Variants in GGTA1 observed in about 807,000 individuals in gnomAD.
GGTA1 encodes the protein inactive N-acetyllactosaminide alpha-1,3-galactosyltransferase.
GGTA1 carries 5 observed loss-of-function variants against 2.6 expected under a neutral mutation model. The ratio of observed to expected loss-of-function variants is 1.92; its 90% CI spans 1.00 to 4.04. The LOEUF is 4.04. Among genes scored for constraint, GGTA1 ranks in the 30% most tolerant of loss-of-function variants. GGTA1 has a pLI of 0.00. For synonymous variants in GGTA1, 17 were observed against 5.0 expected (o/e 3.38, Z -3.19); for missense variants, 50 against 16.7 (o/e 2.99, Z -3.47).
chr9:121,486,258 C>T (rs1343677579), intron 1 of GGTA1, among the ~76,000 whole-genome samples: 1 of 152,238 alleles, frequency 6.6e-6, no homozygotes, highest in Non-Finnish European at 1.5e-5. Flanking sequence ...AGCCAGAACT[C>T]CATGCCCCAA....
chr9:121,498,989 G>GT (rs1238300426), intron 1 of GGTA1, among the ~76,000 whole-genome samples: 1 of 151,508 alleles, frequency 6.6e-6, no homozygotes, highest in Non-Finnish European at 1.5e-5. Flanking sequence ...TCCTTTTCGA[G>GT]TAGGAGCAAG....
At chr9:121,453,749 C>T (rs10818536), downstream of GGTA1, among the ~76,000 whole-genome samples, 79,542 of 152,058 alleles carry the variant, frequency 0.52, 21,327 homozygotes, top group South Asian at 0.66. Flanking sequence ...CGGGCCAGCA[C>T]GGCCAGTGGA....
chr9:121,489,946 C>T (rs1451517490), intron 1 of GGTA1, among the ~76,000 whole-genome samples: 2 of 152,168 alleles, frequency 1.3e-5, no homozygotes, highest in Non-Finnish European at 2.9e-5. Context: ...CTTTCTTTAA[C>T]AGTAGGTATC....
At chr9:121,456,963 C>T (rs753954192) in intron 5 of GGTA1, among the ~76,000 whole-genome samples, 6 of 152,180 alleles carry the variant, frequency 3.9e-5, no homozygotes, top group African/African-American at 1.4e-4. Flanking sequence ...TGAGCCACTG[C>T]GTCCAACACA....
intron 3 of GGTA1, chr9:121,462,977 T>C (rs2064972862): frequency 5.8e-6 from 1 of 172,830 alleles, no homozygotes; most frequent in African/African-American, 2.4e-5. Flanking sequence ...TGGGTCTTTA[T>C]ATAACATTTA....
chr9:121,470,575 G>T (rs1191716955), intron 1 of GGTA1, among the ~76,000 whole-genome samples: 3 of 152,200 alleles, frequency 2.0e-5, no homozygotes, highest in African/African-American at 7.2e-5. Flanking sequence ...AATGAATGAG[G>T]CTGTAACTGT....
At chr9:121,481,500 T>C (rs985357916) in intron 1 of GGTA1, among the ~76,000 whole-genome samples, 18 of 148,176 alleles carry the variant, frequency 1.2e-4, no homozygotes, top group African/African-American at 3.3e-4. Context: ...CAGCCTAACA[T>C]GGTGAAACGC....
intron 1 of GGTA1, among the ~76,000 whole-genome samples, chr9:121,471,486 C>A (rs563170381): frequency 6.6e-6 from 1 of 152,312 alleles, no homozygotes; most frequent in East Asian, 1.9e-4. Flanking sequence ...TTTTCCAATT[C>A]TTTTCAAAGA....
downstream of GGTA1, among the ~76,000 whole-genome samples, chr9:121,450,854 T>G (rs1317319989): frequency 6.6e-6 from 1 of 152,172 alleles, no homozygotes; most frequent in Non-Finnish European, 1.5e-5. Flanking sequence ...CATTAGAACT[T>G]GATTGGTATT....
chr9:121,480,943 G>A (rs1397258758), intron 1 of GGTA1, among the ~76,000 whole-genome samples: 1 of 151,462 alleles, frequency 6.6e-6, no homozygotes, highest in Non-Finnish European at 1.5e-5. Flanking sequence ...CATGAGGTCA[G>A]GAGATCGAGA....
intron 2 of GGTA1, among the ~76,000 whole-genome samples, chr9:121,466,538 C>T (rs2065006212): frequency 6.6e-6 from 1 of 152,152 alleles, no homozygotes; most frequent in African/African-American, 2.4e-5. Context: ...ATCTGTGCAG[C>T]ACCACAGGGA....
downstream of GGTA1, among the ~76,000 whole-genome samples, chr9:121,453,101 C>T (rs1490651307): frequency 6.6e-6 from 1 of 152,304 alleles, no homozygotes; most frequent in African/African-American, 2.4e-5. Flanking sequence ...GAAGAGATAT[C>T]TGGGTGGGAA....
rs2064958705 is a variant in GGTA1 at position 121,461,267 on chromosome 9, C to A, written c.167G>T (p.Ser56Ile). Residue 56 changes from serine (S) to isoleucine (I), a missense_variant, in exon 4 of 6, where the codon AGC becomes ATC. Coordinates refer to ENST00000481799, the MANE Select transcript of GGTA1 (RefSeq NM_001382585.1). ...ATCGCCTTACCCATTGTTAAACCAG[C>A]TCAGAAACCACCAGCCCTTCTGAGC... is the stretch of plus-strand genomic sequence containing the variant. The part of the protein sequence containing the change: ...SSAQKGWWFL[S>I]WFNNGIHNYQ... 2 of 456,494 alleles carry A rather than the reference C, an allele frequency of 4.4e-6. No individual in the cohort carries two copies. The highest frequency in any genetic ancestry group is 8.8e-6 in the Non-Finnish European group (2 of 226,936). 28.3% of individuals were successfully genotyped at this position (456,494 alleles called of 1,614,324 possible). A position where few individuals can be genotyped will look rare whatever the true frequency, so the allele number is the denominator to read the frequency against.
At chr9:121,494,305 C>G (rs13290226) in intron 1 of GGTA1, among the ~76,000 whole-genome samples, 1 of 152,162 alleles carries the variant, frequency 6.6e-6, no homozygotes, top group African/African-American at 2.4e-5. Flanking sequence ...CCTCCTGAGA[C>G]TCTGTTTGGC....
chr9:121,499,394 T>A (rs766944268), intron 1 of GGTA1, among the ~76,000 whole-genome samples: 23 of 152,186 alleles, frequency 1.5e-4, no homozygotes, highest in Admixed American at 1.2e-3. Flanking sequence ...TTGCAGCTCT[T>A]CAGGCTCCAG....
chr9:121,483,135 C>G (rs1828688735), intron 1 of GGTA1, among the ~76,000 whole-genome samples: 1 of 152,138 alleles, frequency 6.6e-6, no homozygotes, highest in Non-Finnish European at 1.5e-5. Context: ...AGAGCAGCCT[C>G]TCTCTTTTAT....
chr9:121,456,381 A>T (rs1276580805), intron 5 of GGTA1, among the ~76,000 whole-genome samples: 2 of 152,060 alleles, frequency 1.3e-5, no homozygotes, highest in Non-Finnish European at 2.9e-5. Flanking sequence ...TATTTATGGC[A>T]CATTTTGGTA....
In GGTA1 at chr9:121,496,757, A is replaced by AAAAAAAAAAAAAAAAAAAGAG. The variant is rs1554838784; in HGVS notation, c.-10+2892_-10+2893insCTCTTTTTTTTTTTTTTTTTT. Among the ~76,000 whole-genome samples, 230 of 111,796 alleles carry AAAAAAAAAAAAAAAAAAAGAG rather than the reference A, an allele frequency of 2.1e-3. 15 individuals carry two copies. The highest frequency in any genetic ancestry group is 6.0e-3 in the Middle Eastern group (1 of 168). The allele number at this position is 111,796 out of a possible 152,430, so 73.3% of individuals were successfully genotyped here. A position where few individuals can be genotyped will look rare whatever the true frequency, so the allele number is the denominator to read the frequency against. ...AAAAAAAAAAAAAAAAAAAAAAAAA[A>AAAAAAAAAAAAAAAAAAAGAG]AGAGAGAGAGAATCGCTTGAATGAA... On this transcript the variant is annotated intron_variant, in intron 1 of 5. Coordinates refer to ENST00000481799, the MANE Select transcript of GGTA1 (RefSeq NM_001382585.1).
intron 1 of GGTA1, among the ~76,000 whole-genome samples, chr9:121,471,052 C>T (rs1177419837): frequency 2.0e-5 from 3 of 152,188 alleles, no homozygotes; most frequent in Non-Finnish European, 4.4e-5. Context: ...AGGAAAGAAG[C>T]CGGCCCTGGG....
Sources: allele counts gnomAD v4.1 joint callset (sites outside exome capture counted in the v4.1 genomes callset), GRCh38; gene constraint gnomAD v4.1.1; transcripts MANE v1.5; gene names NCBI Gene and HGNC (gene_info 2026-07-23, HGNC 2026-07-21).